Variants in PTDSS1 observed in about 807,000 individuals in gnomAD.
The protein encoded by PTDSS1 is phosphatidylserine synthase 1, also known as PSS-1.
PTDSS1 carries 45 observed loss-of-function variants against 70.5 expected under a neutral mutation model. The ratio of observed to expected loss-of-function variants is 0.64; its 90% CI spans 0.50 to 0.82. The LOEUF (loss-of-function observed/expected upper bound fraction) is 0.82. Ranked by LOEUF, PTDSS1 falls within the 40% of genes least tolerant of loss-of-function variation. The probability of loss-of-function intolerance (pLI) is 0.00; values close to 1 mark genes in which losing one functional copy is unlikely to be tolerated. For synonymous variants in PTDSS1, 188 were observed against 203.8 expected (o/e 0.92, Z 0.66); for missense variants, 417 against 586.1 (o/e 0.71, Z 2.98).
chr8:96,268,318 G>T (rs1810515999), intron 1 of PTDSS1, among the ~76,000 whole-genome samples: 1 of 152,192 alleles, frequency 6.6e-6, no homozygotes, highest in Admixed American at 6.5e-5. Context: ...TATTGGGAGA[G>T]ATGATCCTTA....
At chr8:96,274,474 C>A (rs574054133) in intron 2 of PTDSS1, among the ~76,000 whole-genome samples, 1 of 152,232 alleles carries the variant, frequency 6.6e-6, no homozygotes, top group East Asian at 1.9e-4. Flanking sequence ...GCCTGTAATC[C>A]CAGCACTTTG....
Position 96,309,575 on chromosome 8 carries a change from C to T in PTDSS1, c.1026C>T (p.Leu342=), listed in dbSNP as rs754626154. 3 of 1,613,902 alleles carry T rather than the reference C, an allele frequency of 1.9e-6. No homozygotes were observed. The highest frequency in any genetic ancestry group is 1.7e-5 in the Admixed American group (1 of 59,978). Residue 342 remains leucine (L), a synonymous_variant, in exon 9 of 13, where the codon CTC becomes CTT. Coordinates refer to ENST00000517309, the MANE Select transcript of PTDSS1 (RefSeq NM_014754.3). ...CTTTCAGACAGTACTACGCTTACCT[C>T]ACCGACACACAGTGCAAGCGCGTAG... ...APTVRQYYAY[L]TDTQCKRVGT...
intron 8 of PTDSS1, 183 bp from the exon 9 acceptor site, chr8:96,309,374 G>GC (rs1340585220): frequency 2.0e-6 from 1 of 499,578 alleles, no homozygotes; most frequent in Non-Finnish European, 3.6e-6. Context: ...TAACCCAAAC[G>GC]CTGAATCTCT....
At chr8:96,314,437 G>GC (rs1407812075) in intron 9 of PTDSS1, among the ~76,000 whole-genome samples, 4 of 151,726 alleles carry the variant, frequency 2.6e-5, no homozygotes, top group Non-Finnish European at 5.9e-5. Context: ...ATGTTGGGAG[G>GC]GGGGTCCCTT....
intron 6 of PTDSS1, among the ~76,000 whole-genome samples, chr8:96,301,601 C>T (rs1360420654): frequency 6.6e-6 from 1 of 151,884 alleles, no homozygotes; most frequent in Non-Finnish European, 1.5e-5. Flanking sequence ...CTCACTGCAA[C>T]CTCCGCCTCC....
At position 96,287,161 on chromosome 8, in the gene PTDSS1, G is replaced by A. The variant is rs767470103; in HGVS notation, c.441+15G>A. ...CAGATGTCATGGTATGTACTTGTCAGTGGCCTCTTGGAGAAACTCGTAGAC... is the reference window on the plus strand; with the variant it reads ...CAGATGTCATGGTATGTACTTGTCAATGGCCTCTTGGAGAAACTCGTAGAC... On this transcript the variant is annotated intron_variant, in intron 4 of 12. Transcript: ENST00000517309. 1.2e-6 allele frequency: 2 copies of A among 1,613,316 alleles called. No individual in the cohort carries two copies. The highest frequency in any genetic ancestry group is 1.7e-6 in the Non-Finnish European group (2 of 1,179,574).
chr8:96,269,433 C>A (rs971661162), intron 1 of PTDSS1, among the ~76,000 whole-genome samples: 1 of 152,160 alleles, frequency 6.6e-6, no homozygotes, highest in Non-Finnish European at 1.5e-5. Flanking sequence ...GCAGTAGACC[C>A]AGGAAAGAAG....
chr8:96,330,369 A>G, intron 11 of PTDSS1, 88 bp downstream of exon 11: 1 of 1,311,136 alleles, frequency 7.6e-7, no homozygotes, highest in Non-Finnish European at 1.1e-6. Context: ...CTGTAAGGAT[A>G]TGGCGAGGTA....
At chr8:96,273,422 CTAT>C in intron 2 of PTDSS1, 32 bp downstream of exon 2, 1 of 1,498,616 alleles carries the variant, frequency 6.7e-7, no homozygotes, top group Non-Finnish European at 9.1e-7. Context: ...CACATTTCTC[CTAT>C]ATTGTGCCTT....
At chr8:96,303,705 A>G (rs1563575094) in intron 6 of PTDSS1, among the ~76,000 whole-genome samples, 2 of 152,316 alleles carry the variant, frequency 1.3e-5, no homozygotes, top group Admixed American at 6.5e-5. Context: ...ATCAACCCAA[A>G]ATGTTTACTG....
intron 4 of PTDSS1, among the ~76,000 whole-genome samples, chr8:96,288,230 T>C (rs906809778): frequency 3.9e-5 from 6 of 152,120 alleles, no homozygotes; most frequent in African/African-American, 1.4e-4. Context: ...CTCTGTGGTG[T>C]TGGGGTACAC....
intron 2 of PTDSS1, among the ~76,000 whole-genome samples, chr8:96,282,507 C>T (rs1563565922): frequency 6.6e-6 from 1 of 152,212 alleles, no homozygotes; most frequent in Non-Finnish European, 1.5e-5. Context: ...TGAGTTCTCA[C>T]TACCTGCCAT....
In PTDSS1 at chr8:96,334,108, A is replaced by G. The variant is rs1811561458; in HGVS notation, c.*542A>G. ...CCTTTAGAAGCCGCTGCTGAAATTGATACTGGGGGAAGGGTTCCCCTTCCT... is the reference window on the plus strand; with the variant it reads ...CCTTTAGAAGCCGCTGCTGAAATTGGTACTGGGGGAAGGGTTCCCCTTCCT... On this transcript the variant is annotated 3_prime_UTR_variant, in exon 13 of 13. Coordinates refer to ENST00000517309, the MANE Select transcript of PTDSS1 (RefSeq NM_014754.3). 1 of 327,114 alleles carries G rather than the reference A, an allele frequency of 3.1e-6. No individual in the cohort carries two copies. The highest frequency in any genetic ancestry group is 2.2e-5 in the African/African-American group (1 of 46,480). 20.3% of individuals were successfully genotyped at this position (327,114 alleles called of 1,614,324 possible).
At position 96,306,451 on chromosome 8, in the gene PTDSS1, A is replaced by T. The variant is rs1351847405; in HGVS notation, c.902A>T (p.Glu301Val). ...TTTCTCCGTCTTTTTCAGCTGACTG[A>T]GTTGAATACCTTCTTCTTGAAGCAT... The part of the protein sequence containing the change: ...YLFMIIWQLT[E>V]LNTFFLKHIF... The change falls in exon 8 of 13, where the codon GAG becomes GTG. Residue 301 changes from glutamate (E) to valine (V), a missense_variant. Coordinates refer to ENST00000517309, the MANE Select transcript of PTDSS1 (RefSeq NM_014754.3). The T allele has an allele frequency of 5.6e-6, 9 of 1,613,456 alleles. No individual in the cohort carries two copies. Among genetic ancestry groups the T allele is most frequent in the Non-Finnish European group, 5.1e-6 (6 of 1,179,454 alleles).
chr8:96,285,991 T>C (rs542033133), intron 3 of PTDSS1, among the ~76,000 whole-genome samples: 1 of 152,146 alleles, frequency 6.6e-6, no homozygotes, highest in Non-Finnish European at 1.5e-5. Context: ...TGCACAATTA[T>C]GGGCTGGCCA....
At chr8:96,274,142 A>ATT (rs905402341) in intron 2 of PTDSS1, among the ~76,000 whole-genome samples, 4 of 135,578 alleles carry the variant, frequency 3.0e-5, no homozygotes, top group African/African-American at 5.5e-5. Flanking sequence ...CTTGTCTTCT[A>ATT]TTTTTTTTTT....
intron 1 of PTDSS1, among the ~76,000 whole-genome samples, chr8:96,265,552 T>G (rs1246177443): frequency 6.6e-6 from 1 of 152,166 alleles, no homozygotes. Flanking sequence ...ATTTCCAGCC[T>G]GGACAACATG....
intron 10 of PTDSS1, among the ~76,000 whole-genome samples, chr8:96,323,760 A>G (rs1312701182): frequency 6.6e-6 from 1 of 152,102 alleles, no homozygotes; most frequent in Non-Finnish European, 1.5e-5. Flanking sequence ...GATGAATAGC[A>G]CCTGGTTTCT....
At position 96,268,759 on chromosome 8, in the gene PTDSS1, A is replaced by C. The variant is rs529137405; in HGVS notation, c.180-4540A>C. ...TCTGCAGAAGAAGCCAAGGTGTTTG[A>C]AAACTTGATTGGGATTTTAGATATT... is the stretch of plus-strand genomic sequence containing the variant. On this transcript the variant is annotated intron_variant, in intron 1 of 12. Coordinates refer to ENST00000517309, the MANE Select transcript of PTDSS1 (RefSeq NM_014754.3). 2.0e-5 allele frequency among the ~76,000 whole-genome samples: 3 copies of C among 152,022 alleles called. No individual in the cohort carries two copies. The South Asian group carries it at 6.2e-4, about 32-fold the overall frequency.
Sources: gnomAD v4.1 joint callset for allele counts (sites outside exome capture counted in the v4.1 genomes callset) on GRCh38, gnomAD v4.1.1 for gene constraint, MANE v1.5 for transcripts, NCBI Gene and HGNC (gene_info 2026-07-23, HGNC 2026-07-21) for gene names.